HS6ST3: variants seen among roughly 807,000 people sequenced by gnomAD.
HS6ST3 encodes the protein heparan-sulfate 6-O-sulfotransferase 3.
HS6ST3 carries 12 observed loss-of-function variants against 36.7 expected under a neutral mutation model. The ratio of observed to expected loss-of-function variants is 0.33; its 90% CI spans 0.21 to 0.53. The LOEUF is 0.53. Among genes scored for constraint, HS6ST3 ranks in the 20% least tolerant of loss-of-function variants. The pLI is 0.95. For synonymous variants in HS6ST3, 240 were observed against 257.5 expected, an observed-to-expected ratio of 0.93 and a Z score of 0.65; for missense variants, 584 against 640.9, an observed-to-expected ratio of 0.91 and a Z score of 0.96.
At chr13:96,284,873 A>G (rs2054793059) in intron 1 of HS6ST3, among the ~76,000 whole-genome samples, 1 of 151,900 alleles carries the variant, frequency 6.6e-6, no homozygotes, top group African/African-American at 2.4e-5. Context: ...CTATGCATAT[A>G]TTAATATCTT....
chr13:96,792,331 C>G (rs1326561984), intron 1 of HS6ST3, among the ~76,000 whole-genome samples: 3 of 151,918 alleles, frequency 2.0e-5, no homozygotes, highest in Non-Finnish European at 4.4e-5. Flanking sequence ...TGGGAGCTCA[C>G]AGCCCTAGCA....
At chr13:96,571,477 T>C (rs2056300769) in intron 1 of HS6ST3, among the ~76,000 whole-genome samples, 1 of 152,190 alleles carries the variant, frequency 6.6e-6, no homozygotes, top group South Asian at 2.1e-4. Flanking sequence ...TATTGAACAA[T>C]AAATGCATGT....
At chr13:96,295,351 T>C (rs752066340) in intron 1 of HS6ST3, among the ~76,000 whole-genome samples, 2 of 152,142 alleles carry the variant, frequency 1.3e-5, no homozygotes, top group African/African-American at 2.4e-5. Context: ...AGAGAAGTGT[T>C]TCTTGTTGTT....
intron 1 of HS6ST3, among the ~76,000 whole-genome samples, chr13:96,586,256 T>C (rs2138972312): frequency 6.6e-6 from 1 of 152,250 alleles, no homozygotes; most frequent in South Asian, 2.1e-4. Flanking sequence ...TTTCCCTGAT[T>C]AGTGACATTC....
chr13:96,364,229 T>C (rs1253392395), intron 1 of HS6ST3, among the ~76,000 whole-genome samples: 1 of 152,108 alleles, frequency 6.6e-6, no homozygotes. Context: ...TGATGATGCC[T>C]CAAAAAGTTA....
intron 1 of HS6ST3, among the ~76,000 whole-genome samples, chr13:96,332,178 G>C (rs1013319046): frequency 5.3e-5 from 8 of 152,270 alleles, no homozygotes; most frequent in South Asian, 2.1e-4. Flanking sequence ...GACCAGAGCT[G>C]TTCCTATTCG....
chr13:96,090,745 A>C lies in HS6ST3; in HGVS notation c.-118A>C. 1.4e-6 allele frequency: 1 copy of C among 695,384 alleles called. No homozygotes were observed. The allele number at this position is 695,384 out of a possible 1,614,324, so 43.1% of individuals were successfully genotyped here. Reference sequence around the variant, plus strand: ...AGCCACACGCCTCGGCGTCAGGGGCATGGAGGAACGGCGGGCTCCGAGCCG... The same window carrying C: ...AGCCACACGCCTCGGCGTCAGGGGCCTGGAGGAACGGCGGGCTCCGAGCCG... On this transcript the variant is annotated 5_prime_UTR_variant, in exon 1 of 2. The change abolishes an upstream ATG in the 5' untranslated region. Transcript: ENST00000376705.
chr13:96,216,026 G>A (rs182702378), intron 1 of HS6ST3, among the ~76,000 whole-genome samples: 17 of 152,254 alleles, frequency 1.1e-4, no homozygotes, highest in Admixed American at 6.5e-4. Flanking sequence ...CTCAAATCCC[G>A]TTTCTGCCAC....
chr13:96,812,470 A>G (rs1437062169), intron 1 of HS6ST3, among the ~76,000 whole-genome samples: 6 of 152,206 alleles, frequency 3.9e-5, no homozygotes, highest in Non-Finnish European at 5.9e-5. Flanking sequence ...ATAAAAACAC[A>G]CCAATGTAGA....
At chr13:96,423,054 CT>C (rs1178306703) in intron 1 of HS6ST3, among the ~76,000 whole-genome samples, 1 of 151,864 alleles carries the variant, frequency 6.6e-6, no homozygotes, top group Non-Finnish European at 1.5e-5. Context: ...CATACAAAGC[CT>C]TTTTTTTCTT....
chr13:96,129,108 C>T (rs2053964830), intron 1 of HS6ST3, among the ~76,000 whole-genome samples: 1 of 152,212 alleles, frequency 6.6e-6, no homozygotes, highest in African/African-American at 2.4e-5. Flanking sequence ...CAGCCTCCCT[C>T]CCAAAGTGCT....
intron 1 of HS6ST3, among the ~76,000 whole-genome samples, chr13:96,218,810 T>G (rs1025915184): frequency 6.6e-6 from 1 of 152,174 alleles, no homozygotes; most frequent in Non-Finnish European, 1.5e-5. Flanking sequence ...TCTTTTTCAA[T>G]TGAGGCCTGT....
intron 1 of HS6ST3, among the ~76,000 whole-genome samples, chr13:96,315,523 GA>G (rs907463463): frequency 3.4e-5 from 5 of 148,944 alleles, no homozygotes; most frequent in African/African-American, 4.9e-5. Flanking sequence ...GACTAAAAAT[GA>G]AAAAAAAACT....
intron 1 of HS6ST3, among the ~76,000 whole-genome samples, chr13:96,768,633 A>C (rs763406225): frequency 4.0e-5 from 6 of 151,814 alleles, no homozygotes; most frequent in Non-Finnish European, 7.4e-5. Flanking sequence ...GGAGAAACAG[A>C]CTCTTCACAC....
At chr13:96,381,410 G>GTATCTATGTATGTATCTATCTATCTATC (rs141594405) in intron 1 of HS6ST3, among the ~76,000 whole-genome samples, 2 of 138,578 alleles carry the variant, frequency 1.4e-5, no homozygotes, top group Admixed American at 1.5e-4. Context: ...ATGTATCTAT[G>GTATCTATGTATGTATCTATCTATCTATC]TATCTATCTA....
chr13:96,112,609 A>ATATATATG (rs2053875501), intron 1 of HS6ST3, among the ~76,000 whole-genome samples: 3 of 102,278 alleles, frequency 2.9e-5, no homozygotes, highest in Non-Finnish European at 6.3e-5. Context: ...ATATATATAT[A>ATATATATG]TATATATATA....
chr13:96,725,687 T>C (rs1875987060), intron 1 of HS6ST3, among the ~76,000 whole-genome samples: 1 of 152,114 alleles, frequency 6.6e-6, no homozygotes, highest in African/African-American at 2.4e-5. Context: ...TGTGTGTGTG[T>C]GTGTGATTGT....
chr13:96,217,196 C>A (rs80022835), intron 1 of HS6ST3, among the ~76,000 whole-genome samples: 1,770 of 152,220 alleles, frequency 0.012, 37 homozygotes, highest in African/African-American at 0.041. Flanking sequence ...TCTGAAAAGC[C>A]GGGGGTCTGA....
At chr13:96,444,638 T>C (rs1477416834) in intron 1 of HS6ST3, among the ~76,000 whole-genome samples, 2 of 152,234 alleles carry the variant, frequency 1.3e-5, no homozygotes, top group Non-Finnish European at 2.9e-5. Flanking sequence ...CTGGATTCAA[T>C]ATGATACAAA....
Sources: gnomAD v4.1 joint callset for allele counts (sites outside exome capture counted in the v4.1 genomes callset) on GRCh38, gnomAD v4.1.1 for gene constraint, MANE v1.5 for transcripts, NCBI Gene and HGNC (gene_info 2026-07-23, HGNC 2026-07-21) for gene names.